EXT1: variants seen among roughly 807,000 people sequenced by gnomAD.
The protein encoded by EXT1 is exostosin glycosyltransferase 1.
EXT1 carries 20 observed loss-of-function variants against 82.5 expected under a neutral mutation model. The ratio of observed to expected loss-of-function variants is 0.24; its 90% confidence interval spans 0.17 to 0.35. EXT1 has a LOEUF of 0.35. EXT1 is among the 10% of genes least tolerant of loss of function. The pLI, the probability that EXT1 is intolerant of heterozygous loss-of-function variation, is 1.00. For missense variants in EXT1, 757 were observed against 936.5 expected (o/e 0.81, Z 2.50); for synonymous variants, 348 against 350.8 (o/e 0.99, Z 0.09).
At chr8:117,985,004 A>G (rs549851458) in intron 1 of EXT1, among the ~76,000 whole-genome samples, 2 of 152,296 alleles carry the variant, frequency 1.3e-5, no homozygotes, top group Admixed American at 6.5e-5. Context: ...ATCCTGAGGT[A>G]AGGTCTTTCA....
In EXT1 at chr8:117,804,735, G is replaced by A; in HGVS notation, c.2042C>T (p.Thr681Ile). 1 of 1,614,104 alleles carries A rather than the reference G, an allele frequency of 6.2e-7. No homozygotes were observed. Residue 681 changes from threonine (T) to isoleucine (I), a missense_variant, in exon 10 of 11, where the codon ACA (threonine) becomes ATA (isoleucine). Coordinates refer to ENST00000378204, the MANE Select transcript of EXT1 (RefSeq NM_000127.3). ...KVTQKKQYKE[T>I]MMGQTSRASR... ...TTCTATACTTACCTGTCCCATCATT[G>A]TCTCCTTATACTGCTTCTTCTGGGT...
At chr8:117,816,814 C>A (rs1811829338) in intron 7 of EXT1, among the ~76,000 whole-genome samples, 1 of 152,104 alleles carries the variant, frequency 6.6e-6, no homozygotes, top group Non-Finnish European at 1.5e-5. Context: ...GTCTGAATAT[C>A]CTGACATATC....
At chr8:117,913,705 AT>A (rs750470912) in intron 1 of EXT1, among the ~76,000 whole-genome samples, 18 of 152,226 alleles carry the variant, frequency 1.2e-4, no homozygotes, top group Non-Finnish European at 2.6e-4. Context: ...AGTGGTAAGG[AT>A]AATTCCTTGG....
At chr8:118,036,265 C>T (rs144600555) in intron 1 of EXT1, among the ~76,000 whole-genome samples, 1 of 152,104 alleles carries the variant, frequency 6.6e-6, no homozygotes, top group Non-Finnish European at 1.5e-5. Flanking sequence ...CTTAATGACA[C>T]CAGTATTCAG....
rs1275389972 is a variant in EXT1, at chr8:117,799,909, G to A, written c.2056-12C>T. ...GAAGCCCGAGAAGTCTAGGGAGAAGGAGAGAAACAAGGATAATGATGAGAG... is the reference window on the plus strand; with the variant it reads ...GAAGCCCGAGAAGTCTAGGGAGAAGAAGAGAAACAAGGATAATGATGAGAG... On this transcript the variant is annotated splice_polypyrimidine_tract_variant and intron_variant, in intron 10 of 10. Coordinates refer to ENST00000378204, the MANE Select transcript of EXT1 (RefSeq NM_000127.3). The A allele has an allele frequency of 1.2e-6, 2 of 1,613,638 alleles. No homozygotes were observed. The highest frequency in any genetic ancestry group is 1.1e-5 in the South Asian group (1 of 91,054).
intron 2 of EXT1, among the ~76,000 whole-genome samples, chr8:117,836,237 T>C (rs1812186495): frequency 6.6e-6 from 1 of 152,230 alleles, no homozygotes; most frequent in Non-Finnish European, 1.5e-5. Flanking sequence ...TTTTTCTTTA[T>C]GCAGCATCCC....
chr8:117,959,544 G>A (rs1238536795), intron 1 of EXT1, among the ~76,000 whole-genome samples: 1 of 152,042 alleles, frequency 6.6e-6, no homozygotes, highest in African/African-American at 2.4e-5. Context: ...TCACCTGCTT[G>A]AGGCAGATGC....
At chr8:117,932,533 C>T (rs937175530) in intron 1 of EXT1, among the ~76,000 whole-genome samples, 2 of 152,122 alleles carry the variant, frequency 1.3e-5, no homozygotes, top group Non-Finnish European at 2.9e-5. Context: ...CCACTCAAAA[C>T]ATAAACATAG....
In EXT1 at chr8:117,898,449, T is replaced by C. The variant is rs17475288; in HGVS notation, c.963-61248A>G. Among the ~76,000 whole-genome samples the C allele has an allele frequency of 4.1e-3, 626 of 152,286 alleles. 6 individuals carry two copies. The highest frequency in any genetic ancestry group is 0.014 in the African/African-American group (595 of 41,558). ...CTAGGGACTTGAAAGCATGAAAGCA[T>C]TGGATTAGAAAGAAAACTACAAATG... On this transcript the variant is annotated intron_variant, in intron 1 of 10. Transcript: ENST00000378204.
intron 4 of EXT1, among the ~76,000 whole-genome samples, chr8:117,825,725 C>T (rs1668635858): frequency 6.6e-6 from 1 of 152,172 alleles, no homozygotes. Context: ...TATGCCACCT[C>T]ACTTGAAGCC....
chr8:118,050,342 T>C (rs919707360), intron 1 of EXT1, among the ~76,000 whole-genome samples: 3 of 152,234 alleles, frequency 2.0e-5, no homozygotes, highest in African/African-American at 7.2e-5. Context: ...CATTATCTCA[T>C]TTCGTCCTCA....
intron 1 of EXT1, among the ~76,000 whole-genome samples, chr8:118,098,127 C>T (rs1586272572): frequency 6.6e-6 from 1 of 152,158 alleles, no homozygotes; most frequent in African/African-American, 2.4e-5. Context: ...AAGGCCCATT[C>T]AAGCAGGGTG....
intron 1 of EXT1, among the ~76,000 whole-genome samples, chr8:117,902,798 T>C: frequency 6.6e-6 from 1 of 152,208 alleles, no homozygotes; most frequent in South Asian, 2.1e-4. Context: ...AAACTCAGAT[T>C]CTTGATTTAA....
intron 5 of EXT1, among the ~76,000 whole-genome samples, chr8:117,821,243 T>C (rs1429692969): frequency 6.6e-6 from 1 of 152,216 alleles, no homozygotes; most frequent in Non-Finnish European, 1.5e-5. Flanking sequence ...ACTTTAATTG[T>C]ATGTTAGAAA....
chr8:118,027,998 T>C (rs929582779), intron 1 of EXT1, among the ~76,000 whole-genome samples: 4 of 152,206 alleles, frequency 2.6e-5, no homozygotes, highest in African/African-American at 9.7e-5. Context: ...ACTAAATGAA[T>C]TACAGTGGGA....
chr8:117,909,331 TCATATTAGGC>T (rs1172218541), intron 1 of EXT1, among the ~76,000 whole-genome samples: 3 of 152,176 alleles, frequency 2.0e-5, no homozygotes, highest in Non-Finnish European at 4.4e-5. Context: ...ATCTTTATCA[TCATATTAGGC>T]CATATTGTAG....
At chr8:117,989,168 A>T (rs773515228) in intron 1 of EXT1, among the ~76,000 whole-genome samples, 45 of 152,096 alleles carry the variant, frequency 3.0e-4, no homozygotes, top group Admixed American at 9.8e-4. Context: ...TAAGTAACAT[A>T]CCTAAGCCAT....
chr8:117,977,070 A>T (rs1815079150), intron 1 of EXT1, among the ~76,000 whole-genome samples: 1 of 152,064 alleles, frequency 6.6e-6, no homozygotes, highest in Non-Finnish European at 1.5e-5. Context: ...AGGACACTTA[A>T]TCCTGATTTT....
intron 1 of EXT1, among the ~76,000 whole-genome samples, chr8:117,986,312 C>T (rs972847572): frequency 6.6e-6 from 1 of 151,996 alleles, no homozygotes; most frequent in Non-Finnish European, 1.5e-5. Flanking sequence ...GCCTCAGCCT[C>T]CCGAGTAGCT....
Sources: gnomAD v4.1 joint callset for allele counts (sites outside exome capture counted in the v4.1 genomes callset) on GRCh38, gnomAD v4.1.1 for gene constraint, MANE v1.5 for transcripts, NCBI Gene and HGNC (gene_info 2026-07-23, HGNC 2026-07-21) for gene names.